The following DHX35 variants were observed in gnomAD, a reference collection of about 807,000 sequenced individuals.
DHX35 encodes the protein DEAH-box helicase 35.
In DHX35, 84 loss-of-function variants were observed where a neutral mutation model predicts 99.6. The observed-to-expected ratio is 0.84, with a 90% confidence interval of 0.71 to 1.01. DHX35 has a LOEUF of 1.01. Among genes scored for constraint, DHX35 ranks in the 50% least tolerant of loss-of-function variants. The pLI is 0.00. For missense variants in DHX35, 852 were observed against 888.5 expected (o/e 0.96, Z 0.52); for synonymous variants, 331 against 316.2 (o/e 1.05, Z -0.50).
chr20:39,033,875 T>G (rs1297534101), intron 20 of DHX35, among the ~76,000 whole-genome samples: 1 of 152,250 alleles, frequency 6.6e-6, no homozygotes, highest in African/African-American at 2.4e-5. Context: ...GGCAAGTCTT[T>G]GCCTCCATTT....
chr20:38,989,704 G>A (rs2145871542), intron 5 of DHX35, among the ~76,000 whole-genome samples: 1 of 152,180 alleles, frequency 6.6e-6, no homozygotes, highest in South Asian at 2.1e-4. Context: ...CATGAATGTT[G>A]TTTCACTAAT....
intron 11 of DHX35, among the ~76,000 whole-genome samples, chr20:39,004,331 C>T (rs1004545150): frequency 3.3e-5 from 5 of 152,162 alleles, no homozygotes; most frequent in African/African-American, 1.2e-4. Context: ...TCCCAAAGTG[C>T]TGGGATTACA....
chr20:39,003,673 A>C, intron 10 of DHX35, 76 bp from the exon 11 acceptor site: 1 of 1,522,984 alleles, frequency 6.6e-7, no homozygotes, highest in East Asian at 2.3e-5. Flanking sequence ...CCCAACTTTT[A>C]TTTTCTTTCA....
chr20:38,990,466 A>G (rs7268492), intron 5 of DHX35, among the ~76,000 whole-genome samples: 22,923 of 151,864 alleles, frequency 0.15, 1,850 homozygotes, highest in East Asian at 0.29. Context: ...CTTAAACACT[A>G]CTCTGTCCTA....
chr20:38,993,671 G>C (rs1356889513), intron 7 of DHX35, among the ~76,000 whole-genome samples: 1 of 149,212 alleles, frequency 6.7e-6, no homozygotes, highest in Non-Finnish European at 1.5e-5. Flanking sequence ...GGCCACATTG[G>C]CTATTTTTCT....
At position 39,021,891 on chromosome 20, in the gene DHX35, A is replaced by T. The variant is rs921817697; in HGVS notation, c.1549A>T (p.Ile517Phe). ...TCTAAGCATCGCTGCCATGATGCAG[A>T]TCCAGAATATCTTTGTGGTCCCCCC... ...EILSIAAMMQ[I>F]QNIFVVPPNQ... Residue 517 changes from isoleucine (I) to phenylalanine (F), a missense_variant, in exon 16 of 22, where the codon ATC becomes TTC. Physicochemically the swap from Ile to Phe is conservative, Grantham distance 21 (BLOSUM62 0). Transcript: ENST00000252011. 1 of 1,614,186 alleles carries T rather than the reference A, an allele frequency of 6.2e-7. No homozygotes were observed.
rs897499061 is a variant in DHX35 at position 38,970,065 on chromosome 20, T to TTCTA, written c.174+859_174+862dup. ...ACGGTGCTGGGTGAAAGTTGCTGTG[T>TTCTA]TCTATCTATCTGTCTGTCTGTCTGT... On this transcript the variant is annotated intron_variant, in intron 2 of 21. Transcript: ENST00000252011. Among the ~76,000 whole-genome samples the TTCTA allele has an allele frequency of 9.2e-5, 14 of 152,026 alleles. No individual in the cohort carries two copies. The East Asian group carries it at 1.4e-3, about 15-fold the overall frequency.
chr20:38,997,170 A>C (rs1314833485), intron 8 of DHX35, among the ~76,000 whole-genome samples: 1 of 152,010 alleles, frequency 6.6e-6, no homozygotes, highest in Non-Finnish European at 1.5e-5. Context: ...TCCCAGGTTC[A>C]AGTGATTCTC....
intron 1 of DHX35, among the ~76,000 whole-genome samples, chr20:38,966,210 G>A (rs968651085): frequency 6.6e-6 from 1 of 152,246 alleles, no homozygotes; most frequent in African/African-American, 2.4e-5. Flanking sequence ...AAGTTATAAA[G>A]TTGTTACTCC....
rs747310132 is a variant in DHX35 at position 39,034,299 on chromosome 20, CT to C, written c.2053del (p.Tyr685IlefsTer9). 1.3e-5 allele frequency: 21 copies of C among 1,613,770 alleles called. No homozygotes were observed. The highest frequency in any genetic ancestry group is 1.7e-5 in the Non-Finnish European group (20 of 1,179,786). The part of the protein sequence containing the change: ...SAWLLELAPH[F>X]YQQGTHLSLK... ...CCTGGCTGTTGGAGCTGGCTCCACACTTTTATCAACAAGGAACGGTAGGAAT... is the reference window on the plus strand; with the variant it reads ...CCTGGCTGTTGGAGCTGGCTCCACACTTTATCAACAAGGAACGGTAGGAAT... On this transcript the variant is annotated frameshift_variant, in exon 21 of 22. Transcript: ENST00000252011. LOFTEE classifies it high-confidence loss of function.
At chr20:39,004,056 C>T (rs907369083) in intron 11 of DHX35, 149 bp downstream of exon 11, 1 of 921,428 alleles carries the variant, frequency 1.1e-6, no homozygotes, top group Non-Finnish European at 1.6e-6. Context: ...ATAAATAATA[C>T]ATTGTGAAGA....
chr20:39,008,965 G>A (rs1039983563), intron 12 of DHX35, among the ~76,000 whole-genome samples: 20 of 152,212 alleles, frequency 1.3e-4, no homozygotes, highest in African/African-American at 4.8e-4. Context: ...ATTTCTCCTT[G>A]AGGGTCAACT....
At chr20:38,962,520 TG>T in intron 1 of DHX35, 113 bp downstream of exon 1, 2 of 1,350,042 alleles carry the variant, frequency 1.5e-6, no homozygotes, top group Non-Finnish European at 1.0e-6. Flanking sequence ...CTCGGCGAGC[TG>T]GGCGCTGCCG....
chr20:39,005,644 T>C (rs1264338719), intron 11 of DHX35, among the ~76,000 whole-genome samples: 2 of 152,212 alleles, frequency 1.3e-5, no homozygotes, highest in African/African-American at 4.8e-5. Flanking sequence ...ACACTCAAAC[T>C]AGAATGTAAA....
intron 8 of DHX35, among the ~76,000 whole-genome samples, chr20:39,000,367 G>A (rs191979699): frequency 2.0e-5 from 3 of 152,282 alleles, no homozygotes; most frequent in Admixed American, 2.0e-4. Flanking sequence ...GGGGCATGGG[G>A]TGTCTGTTCC....
chr20:39,009,599 C>G (rs2086668235), intron 12 of DHX35, among the ~76,000 whole-genome samples: 1 of 147,646 alleles, frequency 6.8e-6, no homozygotes, highest in African/African-American at 2.5e-5. Flanking sequence ...ATCTCTTCCT[C>G]TTTTTTCCCC....
At chr20:38,966,693 T>C (rs1272122838) in intron 1 of DHX35, among the ~76,000 whole-genome samples, 2 of 151,950 alleles carry the variant, frequency 1.3e-5, no homozygotes, top group African/African-American at 4.8e-5. Flanking sequence ...ATAGAAGAGA[T>C]AGATTGGGGC....
At chr20:39,020,402 G>C (rs2086854576) in intron 15 of DHX35, among the ~76,000 whole-genome samples, 1 of 152,196 alleles carries the variant, frequency 6.6e-6, no homozygotes, top group Non-Finnish European at 1.5e-5. Flanking sequence ...GACTTCTTCA[G>C]ATTTTTGTGA....
chr20:38,968,672 C>G (rs112522101), intron 1 of DHX35, among the ~76,000 whole-genome samples: 1 of 152,248 alleles, frequency 6.6e-6, no homozygotes, highest in Admixed American at 6.5e-5. Context: ...CTCAGCCTCC[C>G]GAGTAGCTGG....
Sources: gnomAD v4.1 joint callset for allele counts (sites outside exome capture counted in the v4.1 genomes callset) on GRCh38, gnomAD v4.1.1 for gene constraint, MANE v1.5 for transcripts, NCBI Gene and HGNC (gene_info 2026-07-23, HGNC 2026-07-21) for gene names.